PIWIL2: variants seen among roughly 807,000 people sequenced by gnomAD.
PIWIL2 encodes the protein piwi like RNA-mediated gene silencing 2, also known as piwi-like protein 2.
Under a neutral mutation model 116.5 loss-of-function variants are expected in PIWIL2, and 81 were observed. That is an observed-to-expected ratio of 0.70 (90% CI 0.58 to 0.84). The LOEUF (loss-of-function observed/expected upper bound fraction) is 0.84. Ranked by LOEUF, PIWIL2 falls within the 40% of genes least tolerant of loss-of-function variation. The pLI is 0.00. For missense variants in PIWIL2, 1,272 were observed against 1,212.3 expected (o/e 1.05, Z -0.73); for synonymous variants, 489 against 429.5 (o/e 1.14, Z -1.71).
rs756785802 is a variant in PIWIL2 at position 22,281,455 on chromosome 8, A to G, written c.365A>G (p.Asp122Gly). 2.5e-6 allele frequency: 4 copies of G among 1,604,636 alleles called. No individual in the cohort carries two copies. In the East Asian group the frequency reaches 8.9e-5, roughly 36 times the overall value. The change falls in exon 4 of 23, where the codon GAT becomes GGT. Residue 122 changes from aspartate to glycine, a missense_variant. Asp to Gly is a moderately conservative substitution (Grantham distance 94). Transcript: ENST00000356766. ...GAGGAACTCTCTCCCACTTTTTGGG[A>G]TCCAAAAGTGTTGGCGGCTGGGGAC... is the stretch of plus-strand genomic sequence containing the variant. ...DREELSPTFW[D>G]PKVLAAGDSK...
intron 21 of PIWIL2, 70 bp from the exon 22 acceptor site, chr8:22,354,201 C>T: frequency 9.9e-7 from 1 of 1,006,570 alleles, no homozygotes; most frequent in Non-Finnish European, 1.6e-6. Flanking sequence ...CTAGAACGAT[C>T]TCCAGGATCT....
intron 19 of PIWIL2, 31 bp downstream of exon 19, chr8:22,316,364 G>A (rs372246176): frequency 1.6e-5 from 21 of 1,324,162 alleles, no homozygotes; most frequent in Non-Finnish European, 1.9e-5. Context: ...CATCTTGTTT[G>A]ATTATTTCAT....
At chr8:22,305,215 C>T (rs559267696) in intron 12 of PIWIL2, among the ~76,000 whole-genome samples, 11 of 82,548 alleles carry the variant, frequency 1.3e-4, no homozygotes, top group East Asian at 1.5e-3. Flanking sequence ...ATTTATTTGA[C>T]GGAGTCTGGC....
At chr8:22,290,997 C>T (rs1270943959) in intron 10 of PIWIL2, among the ~76,000 whole-genome samples, 1 of 144,616 alleles carries the variant, frequency 6.9e-6, no homozygotes, top group African/African-American at 2.4e-5. Flanking sequence ...GAGACAGAGT[C>T]TCACTCTATC....
At chr8:22,352,897 CACTG>C (rs1832404619) in intron 20 of PIWIL2, 58 bp from the exon 21 acceptor site, 1 of 1,536,580 alleles carries the variant, frequency 6.5e-7, no homozygotes, top group Non-Finnish European at 8.8e-7. Flanking sequence ...GTGGGCCTCT[CACTG>C]ACTGTGGTCC....
intron 8 of PIWIL2, among the ~76,000 whole-genome samples, chr8:22,289,228 C>G (rs954384027): frequency 6.6e-6 from 1 of 151,156 alleles, no homozygotes; most frequent in South Asian, 2.1e-4. Flanking sequence ...TCCCGGCTCA[C>G]TGCAACCTCC....
Position 22,330,102 on chromosome 8 carries a change from C to T in PIWIL2, c.2403+11827C>T, listed in dbSNP as rs562220765. On this transcript the variant is annotated intron_variant, in intron 20 of 22. Transcript: ENST00000356766. ...TATGATGGTGTGTTTGTTGGTATCT[C>T]CCAGGTTTCAGAGGCTGTCTTCATT... Among the ~76,000 whole-genome samples, 65 of 152,252 alleles carry T rather than the reference C, an allele frequency of 4.3e-4. 1 individual carries two copies. Among genetic ancestry groups the T allele is most frequent in the African/African-American group, 1.6e-3 (65 of 41,536 alleles).
At chr8:22,299,795 T>C (rs1179825353) in intron 10 of PIWIL2, among the ~76,000 whole-genome samples, 2 of 152,212 alleles carry the variant, frequency 1.3e-5, no homozygotes, top group African/African-American at 4.8e-5. Flanking sequence ...CTGAAGCCTC[T>C]TCCCACTTCT....
chr8:22,343,384 G>A lies in PIWIL2; in HGVS notation c.2404-9575G>A, dbSNP rs186171031. Among the ~76,000 whole-genome samples the A allele has an allele frequency of 2.6e-3, 394 of 151,988 alleles. 1 individual carries two copies. Among genetic ancestry groups the A allele is most frequent in the African/African-American group, 9.0e-3 (374 of 41,428 alleles). The stretch of plus-strand genomic sequence containing the variant: ...TGGGAGGCAGAGGCTGCAGTGAGCC[G>A]AGATTGTGCCATTGCACTCCAGCCT... On this transcript the variant is annotated intron_variant, in intron 20 of 22. Transcript: ENST00000356766.
At chr8:22,342,928 A>C (rs1832143152) in intron 20 of PIWIL2, among the ~76,000 whole-genome samples, 1 of 152,184 alleles carries the variant, frequency 6.6e-6, no homozygotes, top group Admixed American at 6.5e-5. Context: ...TGAACAACCC[A>C]ATTAGAAAAT....
intron 18 of PIWIL2, 102 bp from the exon 19 acceptor site, chr8:22,316,143 A>T: frequency 1.5e-6 from 1 of 682,540 alleles, no homozygotes; most frequent in Non-Finnish European, 2.6e-6. Context: ...TCATGTATAA[A>T]CAGTAAGGGG....
chr8:22,311,079 T>C, intron 15 of PIWIL2, 33 bp from the exon 16 acceptor site: 1 of 1,537,566 alleles, frequency 6.5e-7, no homozygotes, highest in Non-Finnish European at 8.8e-7. Context: ...ATTTAAATTG[T>C]GAGAAATACT....
intron 10 of PIWIL2, among the ~76,000 whole-genome samples, chr8:22,294,644 CAAAAAAAAAA>C (rs897494985): frequency 1.7e-4 from 5 of 29,902 alleles, no homozygotes; most frequent in East Asian, 9.4e-4. Context: ...GACTCTGTCT[CAAAAAAAAAA>C]AAAAAAAAAA....
At chr8:22,300,511 G>T (rs548568998) in intron 10 of PIWIL2, among the ~76,000 whole-genome samples, 1 of 152,210 alleles carries the variant, frequency 6.6e-6, no homozygotes, top group African/African-American at 2.4e-5. Context: ...CATTTGTCTT[G>T]GTTAGTAGAT....
chr8:22,354,483 T>C, intron 22 of PIWIL2, 105 bp downstream of exon 22: 1 of 613,392 alleles, frequency 1.6e-6, no homozygotes, highest in East Asian at 2.8e-5. Flanking sequence ...TCTTGACTTT[T>C]CTTCATATCT....
chr8:22,353,580 G>A (rs558374830), intron 21 of PIWIL2, among the ~76,000 whole-genome samples: 8 of 152,106 alleles, frequency 5.3e-5, no homozygotes, highest in African/African-American at 1.2e-4. Context: ...CCTAGGAGGC[G>A]GAGGTTGCAG....
At position 22,283,190 on chromosome 8, in the gene PIWIL2, C is replaced by T. The variant is rs760635851; in HGVS notation, c.582C>T (p.Pro194=). 2 of 1,614,046 alleles carry T rather than the reference C, an allele frequency of 1.2e-6. No homozygotes were observed. The highest frequency in any genetic ancestry group is 1.7e-6 in the Non-Finnish European group (2 of 1,179,968). Reference sequence around the variant, plus strand: ...CACCACCAGCTCTGCCCCAGTCTCCCCTGCACTCTCCAGATCGCCCTCTGG... The same window carrying T: ...CACCACCAGCTCTGCCCCAGTCTCCTCTGCACTCTCCAGATCGCCCTCTGG... ...LSSPPALPQS[P]LHSPDRPLVL... Residue 194 remains proline (P), a synonymous_variant, in exon 5 of 23, where the codon CCC becomes CCT. Coordinates refer to ENST00000356766, the MANE Select transcript of PIWIL2 (RefSeq NM_018068.5).
chr8:22,337,831 G>A (rs553262540), intron 20 of PIWIL2, among the ~76,000 whole-genome samples: 4 of 151,418 alleles, frequency 2.6e-5, no homozygotes, highest in East Asian at 3.9e-4. Flanking sequence ...GCAGTGACTC[G>A]CACCTGTAAT....
intron 20 of PIWIL2, among the ~76,000 whole-genome samples, chr8:22,335,443 G>A (rs191294338): frequency 9.2e-4 from 139 of 151,816 alleles, no homozygotes; most frequent in African/African-American, 2.4e-3. Flanking sequence ...ATAGCTCACT[G>A]CAGCCTCAAG....
Sources: gnomAD v4.1 joint callset for allele counts (sites outside exome capture counted in the v4.1 genomes callset) on GRCh38, gnomAD v4.1.1 for gene constraint, MANE v1.5 for transcripts, NCBI Gene and HGNC (gene_info 2026-07-23, HGNC 2026-07-21) for gene names.